GLIS3: variants seen among roughly 807,000 people sequenced by gnomAD.
GLIS3 encodes zinc finger protein GLIS3.
In GLIS3, 53 loss-of-function variants were observed where a neutral mutation model predicts 78.6. The observed-to-expected ratio is 0.67, with a 90% confidence interval of 0.54 to 0.85. The LOEUF is 0.85. Among genes scored for constraint, GLIS3 ranks in the 40% least tolerant of loss-of-function variants. The probability of loss-of-function intolerance (pLI) is 0.00; values close to 1 mark genes in which losing one functional copy is unlikely to be tolerated. For synonymous variants in GLIS3, 684 were observed against 509.9 expected, an observed-to-expected ratio of 1.34 and a Z score of -4.60; for missense variants, 1,703 against 1,231.1, an observed-to-expected ratio of 1.38 and a Z score of -5.74.
rs561711924 is a variant in GLIS3 at position 4,007,384 on chromosome 9, C to G, written c.1711-70195G>C. Among the ~76,000 whole-genome samples the G allele has an allele frequency of 2.0e-5, 3 of 152,282 alleles. No individual in the cohort carries two copies. In the East Asian group the frequency reaches 5.8e-4, roughly 29 times the overall value. ...AGTCCAAAGCTCTCTTTATCCCTCT[C>G]CCTCTTCCTGGTTCAAGGTCCCCTT... On this transcript the variant is annotated intron_variant, in intron 4 of 10. Coordinates refer to ENST00000381971, the MANE Select transcript of GLIS3 (RefSeq NM_001042413.2).
chr9:3,914,638 G>T (rs1425950544), intron 6 of GLIS3, among the ~76,000 whole-genome samples: 1 of 152,152 alleles, frequency 6.6e-6, no homozygotes, highest in Non-Finnish European at 1.5e-5. Flanking sequence ...GAAGGGCTGG[G>T]AACAAATCCA....
intron 2 of GLIS3, among the ~76,000 whole-genome samples, chr9:4,236,204 A>AAAAAAAAAAAAAAAAAAAG (rs536737911): frequency 5.1e-4 from 44 of 86,384 alleles, no homozygotes; most frequent in Non-Finnish European, 6.6e-4. Context: ...AAAAAAAAAA[A>AAAAAAAAAAAAAAAAAAAG]AAAGAAAGAA....
intron 1 of GLIS3, chr9:4,348,159 A>C (rs1817918190): frequency 1.3e-5 from 2 of 152,266 alleles, no homozygotes; most frequent in Admixed American, 6.5e-5. Flanking sequence ...CAGCCTAAGT[A>C]TCTGTGTTAG....
chr9:3,908,983 CT>C (rs1823940812), intron 6 of GLIS3, among the ~76,000 whole-genome samples: 1 of 152,096 alleles, frequency 6.6e-6, no homozygotes, highest in African/African-American at 2.4e-5. Context: ...AATCAAAGGC[CT>C]TTTGTTTTCC....
At chr9:4,144,875 T>C (rs1303945568) in intron 2 of GLIS3, 1 of 152,226 alleles carries the variant, frequency 6.6e-6, no homozygotes, top group African/African-American at 2.4e-5. Context: ...CTGGGAAATA[T>C]TTAAGCAAGA....
intron 2 of GLIS3, among the ~76,000 whole-genome samples, chr9:4,232,379 T>C (rs1440475549): frequency 3.9e-5 from 2 of 51,898 alleles, no homozygotes; most frequent in Non-Finnish European, 8.7e-5. Flanking sequence ...AGACCTTGTC[T>C]CTTAAAAAAA....
the GLIS3 span, among the ~76,000 whole-genome samples, chr9:4,399,551 C>T: frequency 6.6e-6 from 1 of 152,242 alleles, no homozygotes; most frequent in African/African-American, 2.4e-5. Context: ...CTGTACCATG[C>T]TGCATTTCTT....
intron 2 of GLIS3, among the ~76,000 whole-genome samples, chr9:4,160,606 G>C (rs1236839142): frequency 6.6e-6 from 1 of 152,150 alleles, no homozygotes; most frequent in Non-Finnish European, 1.5e-5. Context: ...ACCCAAGCTT[G>C]TTTGACAGTT....
chr9:4,092,287 G>C (rs1236106335), intron 4 of GLIS3, among the ~76,000 whole-genome samples: 1 of 151,748 alleles, frequency 6.6e-6, no homozygotes, highest in East Asian at 1.9e-4. Context: ...GAGTAGCTGG[G>C]ACTACAGGCG....
chr9:4,045,926 G>A (rs1202897532), intron 4 of GLIS3, among the ~76,000 whole-genome samples: 1 of 152,114 alleles, frequency 6.6e-6, no homozygotes, highest in East Asian at 1.9e-4. Flanking sequence ...AAATTATATA[G>A]AGGTCGGTCA....
At chr9:4,483,993 G>C in the GLIS3 span, among the ~76,000 whole-genome samples, 1 of 152,200 alleles carries the variant, frequency 6.6e-6, no homozygotes, top group Non-Finnish European at 1.5e-5. Context: ...CAAGTGCTTA[G>C]AAGAGCGCCT....
At chr9:4,065,106 T>G (rs1361363769) in intron 4 of GLIS3, among the ~76,000 whole-genome samples, 1 of 152,218 alleles carries the variant, frequency 6.6e-6, no homozygotes, top group African/African-American at 2.4e-5. Flanking sequence ...GAGCTGGCTA[T>G]TTTTTCTTCT....
chr9:4,033,238 T>C (rs915642747), intron 4 of GLIS3, among the ~76,000 whole-genome samples: 2 of 150,534 alleles, frequency 1.3e-5, no homozygotes, highest in Non-Finnish European at 1.5e-5. Flanking sequence ...CTTGACCCTT[T>C]CTCTTTCCAC....
chr9:4,089,814 A>T (rs1024436636), intron 4 of GLIS3, among the ~76,000 whole-genome samples: 3 of 152,188 alleles, frequency 2.0e-5, no homozygotes, highest in Admixed American at 2.0e-4. Context: ...CAAGACCCTG[A>T]CAAAAACAAC....
intron 4 of GLIS3, among the ~76,000 whole-genome samples, chr9:4,050,822 C>A (rs1825700155): frequency 6.6e-6 from 1 of 152,016 alleles, no homozygotes; most frequent in African/African-American, 2.4e-5. Flanking sequence ...AGGCTCTCAC[C>A]CCTCCCCATC....
chr9:4,322,026 C>T (rs564196744), intron 2 of GLIS3, among the ~76,000 whole-genome samples: 1 of 152,220 alleles, frequency 6.6e-6, no homozygotes, highest in South Asian at 2.1e-4. Flanking sequence ...TATCCCTCCC[C>T]CATCCCCCGA....
intron 2 of GLIS3, among the ~76,000 whole-genome samples, chr9:4,128,573 T>A (rs536507878): frequency 1.7e-4 from 26 of 152,360 alleles, no homozygotes; most frequent in African/African-American, 6.0e-4. Context: ...TGGTCATCTT[T>A]GTTGATGATA....
the GLIS3 span, among the ~76,000 whole-genome samples, chr9:4,401,317 T>C: frequency 6.6e-6 from 1 of 152,056 alleles, no homozygotes; most frequent in Admixed American, 6.5e-5. Flanking sequence ...TGGAGTGCAA[T>C]GGTGTGATCT....
At chr9:4,381,267 G>A in the GLIS3 span, among the ~76,000 whole-genome samples, 1 of 152,200 alleles carries the variant, frequency 6.6e-6, no homozygotes, top group African/African-American at 2.4e-5. Context: ...TTTTAGGATA[G>A]AAGATGAGAA....
Sources: allele counts gnomAD v4.1 joint callset (sites outside exome capture counted in the v4.1 genomes callset), GRCh38; gene constraint gnomAD v4.1.1; transcripts MANE v1.5; gene names NCBI Gene and HGNC (gene_info 2026-07-23, HGNC 2026-07-21).